GXYLT2: variants seen among roughly 807,000 people sequenced by gnomAD.
GXYLT2 encodes glucoside xylosyltransferase 2, also known as glycosyltransferase 8 domain containing 4.
Under a neutral mutation model 45.8 loss-of-function variants are expected in GXYLT2, and 53 were observed. That is an observed-to-expected ratio of 1.16 (90% CI 0.93 to 1.46). The LOEUF is 1.46. GXYLT2 is among the 40% of genes most tolerant of loss of function. GXYLT2 has a pLI of 0.00. For missense variants in GXYLT2, 551 were observed against 544.4 expected, an observed-to-expected ratio of 1.01 and a Z score of -0.12; for synonymous variants, 219 against 214.2, an observed-to-expected ratio of 1.02 and a Z score of -0.19.
At position 72,976,672 on chromosome 3, in the gene GXYLT2, A is replaced by G. The variant is rs1175549398; in HGVS notation, c.*1513A>G. The G allele has an allele frequency of 6.6e-6, 1 of 152,228 alleles. No homozygotes were observed. Among genetic ancestry groups the G allele is most frequent in the African/African-American group, 2.4e-5 (1 of 41,454 alleles). 9.4% of individuals were successfully genotyped at this position (152,228 alleles called of 1,614,324 possible). ...CTCATATAGTTGGTATCAGCATAGC[A>G]ATATTTTGCATAATGCTTTATTTTT... On this transcript the variant is annotated 3_prime_UTR_variant, in exon 7 of 7. Coordinates refer to ENST00000389617, the MANE Select transcript of GXYLT2 (RefSeq NM_001080393.2).
At chr3:72,962,209 A>G (rs1559751052) in intron 5 of GXYLT2, among the ~76,000 whole-genome samples, 1 of 152,188 alleles carries the variant, frequency 6.6e-6, no homozygotes, top group African/African-American at 2.4e-5. Context: ...AAGCCCAGTT[A>G]TTTCATATTG....
intron 2 of GXYLT2, among the ~76,000 whole-genome samples, chr3:72,919,334 A>G (rs922737619): frequency 1.8e-4 from 28 of 152,244 alleles, no homozygotes; most frequent in Non-Finnish European, 2.9e-4. Context: ...ATCAAGCCAC[A>G]AAAAGACATG....
intron 1 of GXYLT2, among the ~76,000 whole-genome samples, chr3:72,901,466 A>C: frequency 7.8e-6 from 1 of 128,348 alleles, no homozygotes; most frequent in African/African-American, 3.1e-5. Flanking sequence ...TCTGCATCAA[A>C]AGAAAAAAAA....
Position 72,909,950 on chromosome 3 carries a change from T to G in GXYLT2, c.468+1391T>G, listed in dbSNP as rs537067455. ...ATAGAAAGATGGAAAATGTGTTATG[T>G]TTGAGTAGGAAAAAAAAAGTACCTT... is the stretch of plus-strand genomic sequence containing the variant. On this transcript the variant is annotated intron_variant, in intron 2 of 6. Coordinates refer to ENST00000389617, the MANE Select transcript of GXYLT2 (RefSeq NM_001080393.2). Among the ~76,000 whole-genome samples the G allele has an allele frequency of 2.6e-4, 39 of 152,100 alleles. No homozygotes were observed. In the South Asian group the frequency reaches 7.7e-3, roughly 30 times the overall value.
At chr3:72,925,297 T>C (rs1282375325) in intron 3 of GXYLT2, among the ~76,000 whole-genome samples, 1 of 151,974 alleles carries the variant, frequency 6.6e-6, no homozygotes. Context: ...GCTGGGATTT[T>C]GGCGCATACC....
chr3:72,959,951 G>C (rs1710738328), intron 5 of GXYLT2, among the ~76,000 whole-genome samples: 2 of 147,192 alleles, frequency 1.4e-5, no homozygotes, highest in Admixed American at 6.8e-5. Context: ...TTGTTTGTTT[G>C]TTTGTTTGTT....
chr3:72,952,905 T>C (rs1043340076), intron 3 of GXYLT2, among the ~76,000 whole-genome samples: 1 of 152,130 alleles, frequency 6.6e-6, no homozygotes. Context: ...ATAAGTGTTA[T>C]GGTGTTGGGA....
At chr3:72,904,877 C>CAAAAAAAAAA (rs774693806) in intron 1 of GXYLT2, among the ~76,000 whole-genome samples, 2 of 30,620 alleles carry the variant, frequency 6.5e-5, no homozygotes, top group Admixed American at 3.2e-4. Flanking sequence ...ACTAAAGATA[C>CAAAAAAAAAA]AAAAAAAAAA....
chr3:72,974,006 G>A (rs1462353981), intron 6 of GXYLT2, among the ~76,000 whole-genome samples: 1 of 152,070 alleles, frequency 6.6e-6, no homozygotes, highest in Non-Finnish European at 1.5e-5. Context: ...ATTTGTTCTA[G>A]GAAACCAGAC....
intron 2 of GXYLT2, among the ~76,000 whole-genome samples, chr3:72,918,237 A>G (rs1365212884): frequency 1.3e-5 from 2 of 152,202 alleles, no homozygotes; most frequent in Non-Finnish European, 2.9e-5. Context: ...TAGAATGCCA[A>G]ACCATTGTTG....
rs1222351206 is a variant in GXYLT2, at chr3:72,921,225, A to T, written c.469-979A>T. ...TTTTTTTGCACTTTGCTTTTTCCAA[A>T]ACCCAACTATATGTTATAACTGTTT... is the stretch of plus-strand genomic sequence containing the variant. On this transcript the variant is annotated intron_variant, in intron 2 of 6. Transcript: ENST00000389617. 2.6e-5 allele frequency among the ~76,000 whole-genome samples: 4 copies of T among 152,252 alleles called. No homozygotes were observed. In the East Asian group the frequency reaches 7.7e-4, roughly 29 times the overall value.
chr3:72,975,135 T>G lies in GXYLT2; in HGVS notation c.1308T>G (p.His436Gln). ...KRAYEKHVII[H>Q]VGPNQMH ...CTTATGAGAAACACGTCATCATCCA[T>G]GTTGGCCCCAACCAGATGCACTGAA... The change falls in exon 7 of 7, where the codon CAT (histidine) becomes CAG (glutamine). Residue 436 changes from histidine (H) to glutamine (Q), a missense_variant. By Grantham distance (24) the His-to-Gln change is conservative (BLOSUM62 0). Coordinates refer to ENST00000389617, the MANE Select transcript of GXYLT2 (RefSeq NM_001080393.2). 1 of 1,613,524 alleles carries G rather than the reference T, an allele frequency of 6.2e-7. No homozygotes were observed. The highest frequency in any genetic ancestry group is 8.5e-7 in the Non-Finnish European group (1 of 1,179,674).
At chr3:72,934,882 A>G (rs72881982) in intron 3 of GXYLT2, among the ~76,000 whole-genome samples, 1,692 of 152,324 alleles carry the variant, frequency 0.011, 37 homozygotes, top group African/African-American at 0.039. Flanking sequence ...ATTTGGAAGC[A>G]TATCTATGGA....
intron 2 of GXYLT2, among the ~76,000 whole-genome samples, chr3:72,912,351 T>G (rs1188634566): frequency 1.3e-5 from 2 of 152,052 alleles, no homozygotes; most frequent in Admixed American, 6.6e-5. Context: ...GGTCTCCCTA[T>G]GTTGCCCAGG....
chr3:72,890,711 T>A (rs1236448641), intron 1 of GXYLT2, among the ~76,000 whole-genome samples: 1 of 152,254 alleles, frequency 6.6e-6, no homozygotes, highest in African/African-American at 2.4e-5. Context: ...CTGAACAAAG[T>A]GTCTCTGACT....
intron 3 of GXYLT2, among the ~76,000 whole-genome samples, chr3:72,930,604 T>C (rs1308438871): frequency 6.9e-6 from 1 of 145,940 alleles, no homozygotes; most frequent in East Asian, 2.0e-4. Flanking sequence ...TTTTTTTTTT[T>C]TTTTTTTGAC....
chr3:72,917,637 G>T (rs886736142), intron 2 of GXYLT2, among the ~76,000 whole-genome samples: 5 of 151,570 alleles, frequency 3.3e-5, no homozygotes, highest in Admixed American at 3.3e-4. Context: ...TGCATGTGTG[G>T]TCCCAGCTAC....
chr3:72,933,661 C>T (rs1048518276), intron 3 of GXYLT2, among the ~76,000 whole-genome samples: 2 of 151,986 alleles, frequency 1.3e-5, no homozygotes, highest in African/African-American at 4.8e-5. Context: ...GTAATCCCAA[C>T]ACTTTAGAAG....
intron 1 of GXYLT2, among the ~76,000 whole-genome samples, chr3:72,899,867 T>C (rs1664082400): frequency 6.6e-6 from 1 of 152,216 alleles, no homozygotes; most frequent in South Asian, 2.1e-4. Flanking sequence ...TTAAAATTCA[T>C]CTTCTACCAT....
Sources: gnomAD v4.1 joint callset for allele counts (sites outside exome capture counted in the v4.1 genomes callset) on GRCh38, gnomAD v4.1.1 for gene constraint, MANE v1.5 for transcripts, NCBI Gene and HGNC (gene_info 2026-07-23, HGNC 2026-07-21) for gene names.